Variants in PRDX6 observed in about 807,000 individuals in gnomAD.
PRDX6 encodes peroxiredoxin-6.
A neutral mutation model predicts 20.0 loss-of-function variants in PRDX6; 13 were observed. The observed-to-expected ratio is 0.65, with a 90% CI of 0.42 to 1.03. PRDX6 has a LOEUF of 1.03. Ranked by LOEUF, PRDX6 falls within the 50% of genes least tolerant of loss-of-function variation. The pLI is 0.00. For synonymous variants in PRDX6, 85 were observed against 100.8 expected (o/e 0.84, Z 0.94); for missense variants, 203 against 276.9 (o/e 0.73, Z 1.89).
At chr1:173,486,858 C>T (rs1037404023) in intron 4 of PRDX6, among the ~76,000 whole-genome samples, 10 of 152,158 alleles carry the variant, frequency 6.6e-5, no homozygotes, top group African/African-American at 2.4e-4. Context: ...TGTTCATAAA[C>T]TTTTCATCTT....
chr1:173,486,594 C>T (rs915549657), intron 4 of PRDX6, among the ~76,000 whole-genome samples, 193 bp downstream of exon 4: 1 of 152,150 alleles, frequency 6.6e-6, no homozygotes, highest in Non-Finnish European at 1.5e-5. Context: ...ACAACACAAA[C>T]TCCCTATATG....
rs1658943880 is a variant in PRDX6, at chr1:173,488,642, A to T, written c.*779A>T. On this transcript the variant is annotated 3_prime_UTR_variant, in exon 5 of 5. Coordinates refer to ENST00000340385, the MANE Select transcript of PRDX6 (RefSeq NM_004905.3). ...CATGTGCCTTTCACACAGGGTTTGCATTTATCAGTCTGTTTTCCGATGATG... is the reference window on the plus strand; with the variant it reads ...CATGTGCCTTTCACACAGGGTTTGCTTTTATCAGTCTGTTTTCCGATGATG... The T allele has an allele frequency of 6.6e-6, 1 of 152,232 alleles. No individual in the cohort carries two copies. The highest frequency in any genetic ancestry group is 2.4e-5 in the African/African-American group (1 of 41,450). 9.4% of individuals were successfully genotyped at this position (152,232 alleles called of 1,614,324 possible).
intron 1 of PRDX6, among the ~76,000 whole-genome samples, chr1:173,480,848 T>TA (rs1241918329): frequency 6.6e-6 from 1 of 152,258 alleles, no homozygotes; most frequent in Non-Finnish European, 1.5e-5. Context: ...TCAGATTACA[T>TA]AATTTGTTTA....
chr1:173,478,054 C>T (rs552371846), intron 1 of PRDX6, among the ~76,000 whole-genome samples: 14 of 152,312 alleles, frequency 9.2e-5, no homozygotes, highest in South Asian at 4.1e-4. Flanking sequence ...GGAAGGCCAA[C>T]GTATCATCTG....
At chr1:173,478,084 A>G (rs1658734523) in intron 1 of PRDX6, among the ~76,000 whole-genome samples, 1 of 152,232 alleles carries the variant, frequency 6.6e-6, no homozygotes, top group South Asian at 2.1e-4. Flanking sequence ...TGGTATTTGC[A>G]GGCTTCTGGG....
intron 1 of PRDX6, among the ~76,000 whole-genome samples, chr1:173,479,456 T>G (rs964454312): frequency 6.6e-6 from 1 of 152,154 alleles, no homozygotes; most frequent in Non-Finnish European, 1.5e-5. Context: ...GAAGAAAAAA[T>G]TAAAATGTAT....
At chr1:173,484,150 A>ATT (rs1557997395) in intron 2 of PRDX6, among the ~76,000 whole-genome samples, 1 of 109,568 alleles carries the variant, frequency 9.1e-6, no homozygotes, top group African/African-American at 3.8e-5. Context: ...AGATATATAT[A>ATT]TTTATATATA....
At chr1:173,484,177 TACAC>T (rs113530287) in intron 2 of PRDX6, among the ~76,000 whole-genome samples, 72 of 103,928 alleles carry the variant, frequency 6.9e-4, no homozygotes, top group Non-Finnish European at 1.2e-3. Context: ...TTTATATATA[TACAC>T]ACACACACAC....
At chr1:173,479,795 GA>G in intron 1 of PRDX6, among the ~76,000 whole-genome samples, 1 of 152,342 alleles carries the variant, frequency 6.6e-6, no homozygotes, top group East Asian at 1.9e-4. Flanking sequence ...TTGTAGCCAT[GA>G]GGTAAACTGG....
At position 173,484,502 on chromosome 1, in the gene PRDX6, A is replaced by G. The variant is rs563952263; in HGVS notation, c.253-859A>G. 5.6e-4 allele frequency among the ~76,000 whole-genome samples: 85 copies of G among 152,254 alleles called. 1 individual carries two copies. In the South Asian group the frequency reaches 0.017, roughly 31 times the overall value. ...CCAAATGAGAAGTTCCTTTGAAGGG[A>G]GGAGCCGTGTCTTACTCATCTGTAT... On this transcript the variant is annotated intron_variant, in intron 2 of 4. Transcript: ENST00000340385.
chr1:173,485,795 G>A lies in PRDX6; in HGVS notation c.399+288G>A, dbSNP rs557281938. On this transcript the variant is annotated intron_variant, in intron 3 of 4. Coordinates refer to ENST00000340385, the MANE Select transcript of PRDX6 (RefSeq NM_004905.3). ...AGCTCTCCTGACTGCTCTCCTGACC[G>A]CCCTGTCTTTAAAGTGATGGGCCAT... 7.2e-5 allele frequency among the ~76,000 whole-genome samples: 11 copies of A among 152,188 alleles called. No homozygotes were observed. In the East Asian group the frequency reaches 1.9e-3, roughly 27 times the overall value.
At position 173,487,956 on chromosome 1, in the gene PRDX6, CACAGCCAAGGTTTTT is replaced by C; in HGVS notation, c.*95_*109del. 6.6e-7 allele frequency: 1 copy of C among 1,516,672 alleles called. No homozygotes were observed. Among genetic ancestry groups the C allele is most frequent in the Non-Finnish European group, 9.0e-7 (1 of 1,116,532 alleles). 94.0% of individuals were successfully genotyped at this position (1,516,672 alleles called of 1,614,324 possible). ...TTCCATAAACACATCCTGGTGTCAT[CACAGCCAAGGTTTTT>C]AGGTTGCTATACCAATGGCTTATTA... is the stretch of plus-strand genomic sequence containing the variant. On this transcript the variant is annotated 3_prime_UTR_variant, in exon 5 of 5. Coordinates refer to ENST00000340385, the MANE Select transcript of PRDX6 (RefSeq NM_004905.3).
intron 1 of PRDX6, 104 bp downstream of exon 1, chr1:173,477,596 T>C: frequency 4.1e-6 from 4 of 969,260 alleles, no homozygotes; most frequent in African/African-American, 3.4e-5. Flanking sequence ...CTCAGCCCCC[T>C]GCGCCGCCCT....
rs1553242243 is a variant in PRDX6 at position 173,484,138 on chromosome 1, T to TTATATATATATATTTA, written c.253-1221_253-1220insTATATATATATTTATA. Among the ~76,000 whole-genome samples the TTATATATATATATTTA allele has an allele frequency of 6.9e-4, 60 of 86,872 alleles. 1 individual carries two copies. The East Asian group carries it at 0.019, about 28-fold the overall frequency. 57.0% of individuals were successfully genotyped at this position (86,872 alleles called of 152,430 possible). A position where few individuals can be genotyped will look rare whatever the true frequency, so the allele number is the denominator to read the frequency against. ...TCTCAAAAAAAAAAAAAAAAAAAAATTAGATATATATATTTATATATATAT... is the reference window on the plus strand; with the variant it reads ...TCTCAAAAAAAAAAAAAAAAAAAAATTATATATATATATTTATAGATATATATATTTATATATATAT... On this transcript the variant is annotated intron_variant, in intron 2 of 4. Coordinates refer to ENST00000340385, the MANE Select transcript of PRDX6 (RefSeq NM_004905.3).
At chr1:173,484,356 G>C (rs1280437982) in intron 2 of PRDX6, among the ~76,000 whole-genome samples, 1 of 151,312 alleles carries the variant, frequency 6.6e-6, no homozygotes, top group African/African-American at 2.4e-5. Context: ...TTCTTTTCTT[G>C]AAGCCTTTTG....
At position 173,484,071 on chromosome 1, in the gene PRDX6, T is replaced by A. The variant is rs190286300; in HGVS notation, c.253-1290T>A. Reference sequence around the variant, plus strand: ...TGAGCCAAGGTTGCGGTGAGCCAAGTTCGCACCAGTGCACTCCAGCCTGGG... The same window carrying A: ...TGAGCCAAGGTTGCGGTGAGCCAAGATCGCACCAGTGCACTCCAGCCTGGG... On this transcript the variant is annotated intron_variant, in intron 2 of 4. Transcript: ENST00000340385. Among the ~76,000 whole-genome samples the A allele has an allele frequency of 8.9e-3, 1,305 of 146,004 alleles. 18 individuals carry two copies. Among genetic ancestry groups the A allele is most frequent in the African/African-American group, 0.03 (1,195 of 39,184 alleles).
intron 2 of PRDX6, 92 bp downstream of exon 2, chr1:173,481,574 A>T (rs1658801794): frequency 7.6e-7 from 1 of 1,317,122 alleles, no homozygotes; most frequent in African/African-American, 1.5e-5. Flanking sequence ...GGTACAAGTA[A>T]GCCTTAGGTT....
chr1:173,480,260 T>A (rs1245010037), intron 1 of PRDX6, among the ~76,000 whole-genome samples: 1 of 152,210 alleles, frequency 6.6e-6, no homozygotes, highest in Admixed American at 6.5e-5. Flanking sequence ...CAGCCGTAAG[T>A]AGGAAGGAGG....
intron 1 of PRDX6, among the ~76,000 whole-genome samples, chr1:173,479,911 C>A (rs1455216467): frequency 6.6e-6 from 1 of 152,276 alleles, no homozygotes; most frequent in African/African-American, 2.4e-5. Flanking sequence ...AAAAAGAACT[C>A]CTAACTTTTC....
Sources: gnomAD v4.1 joint callset for allele counts (sites outside exome capture counted in the v4.1 genomes callset) on GRCh38, gnomAD v4.1.1 for gene constraint, MANE v1.5 for transcripts, NCBI Gene and HGNC (gene_info 2026-07-23, HGNC 2026-07-21) for gene names.